Variants in DEF8 observed in about 807,000 individuals in gnomAD.
DEF8 encodes the protein differentially expressed in FDCP 8 homolog.
Under a neutral mutation model 59.1 loss-of-function variants are expected in DEF8, and 38 were observed. That is an observed-to-expected ratio of 0.64 (90% CI 0.50 to 0.84). The LOEUF (loss-of-function observed/expected upper bound fraction) is 0.84, where lower values mean the gene tolerates loss of function less well. Ranked by LOEUF, DEF8 falls within the 40% of genes least tolerant of loss-of-function variation. The probability of loss-of-function intolerance (pLI) is 0.00; values close to 1 mark genes in which losing one functional copy is unlikely to be tolerated. For missense variants in DEF8, 557 were observed against 615.2 expected (o/e 0.91, Z 1.00); for synonymous variants, 265 against 250.1 (o/e 1.06, Z -0.56).
intron 7 of DEF8, 62 bp from the exon 8 acceptor site, chr16:89,961,675 G>C (rs2034042822): frequency 6.3e-7 from 1 of 1,599,508 alleles, no homozygotes; most frequent in South Asian, 1.1e-5. Context: ...AGACCATGAG[G>C]CTGGAAAGCT....
intron 5 of DEF8, chr16:89,957,893 C>T: frequency 2.4e-6 from 1 of 423,826 alleles, no homozygotes; most frequent in Non-Finnish European, 4.2e-6. Context: ...GAAACTCAAC[C>T]CTGAGTAGCT....
intron 2 of DEF8, among the ~76,000 whole-genome samples, chr16:89,953,237 T>G (rs2032523181): frequency 6.6e-6 from 1 of 152,216 alleles, no homozygotes; most frequent in Non-Finnish European, 1.5e-5. Context: ...GCTCAGTCTC[T>G]GTTAACTCAT....
chr16:89,961,547 T>C (rs2034026353), intron 7 of DEF8, among the ~76,000 whole-genome samples, 190 bp from the exon 8 acceptor site: 1 of 152,208 alleles, frequency 6.6e-6, no homozygotes, highest in South Asian at 2.1e-4. Context: ...GCCCTGTTTA[T>C]ATCCCATTTT....
At chr16:89,958,559 C>A (rs888846560) in intron 5 of DEF8, 34 of 171,418 alleles carry the variant, frequency 2.0e-4, no homozygotes, top group Admixed American at 1.5e-3. Flanking sequence ...GAAAAAAAAA[C>A]CCCAAAACAT....
At chr16:89,965,047 A>C (rs2034488557) in intron 12 of DEF8, among the ~76,000 whole-genome samples, 1 of 152,218 alleles carries the variant, frequency 6.6e-6, no homozygotes, top group Non-Finnish European at 1.5e-5. Flanking sequence ...TTAAGTACTT[A>C]TGCTCTCGCG....
intron 1 of DEF8, 146 bp from the exon 2 acceptor site, chr16:89,949,271 C>G: frequency 1.5e-6 from 1 of 681,396 alleles, no homozygotes; most frequent in Non-Finnish European, 2.4e-6. Context: ...CGTGCCCCCG[C>G]CCTGGGCTGC....
chr16:89,949,691 G>A (rs1230771293), intron 2 of DEF8, 178 bp downstream of exon 2: 9 of 1,521,948 alleles, frequency 5.9e-6, no homozygotes, highest in East Asian at 2.3e-5. Context: ...TCCGTGCCCC[G>A]GAACCCCGCC....
At chr16:89,959,450 A>G in intron 6 of DEF8, 4 of 854,400 alleles carry the variant, frequency 4.7e-6, no homozygotes, top group South Asian at 2.3e-5. Context: ...TTAGGGCAGA[A>G]TGTAAAGGCA....
At position 89,963,560 on chromosome 16, in the gene DEF8, C is replaced by T. The variant is rs1422576653; in HGVS notation, c.1002+117C>T. On this transcript the variant is annotated intron_variant, in intron 10 of 12. Transcript: ENST00000563594. The stretch of plus-strand genomic sequence containing the variant: ...GTGGAGTGCCTTTAGCAGAGGGTCG[C>T]CTCACCACGGTCCCAAGGAACAAAG... 1.1e-5 allele frequency: 8 copies of T among 753,108 alleles called. No homozygotes were observed. In the East Asian group the frequency reaches 2.2e-4, roughly 20 times the overall value. The allele number at this position is 753,108 out of a possible 1,614,324, so 46.7% of individuals were successfully genotyped here.
chr16:89,963,806 A>G lies in DEF8; in HGVS notation c.1002+363A>G. 3 of 485,886 alleles carry G rather than the reference A, an allele frequency of 6.2e-6. No homozygotes were observed. The South Asian group carries it at 6.4e-5, about 10-fold the overall frequency. The allele number at this position is 485,886 out of a possible 1,614,324, so 30.1% of individuals were successfully genotyped here. On this transcript the variant is annotated intron_variant, in intron 10 of 12. Coordinates refer to ENST00000563594, the MANE Select transcript of DEF8 (RefSeq NM_001242818.2). ...GAAACAGACAGGAATGCTTGCCCTT[A>G]GTGCCTTTCAAGTAGGGAAGACAAG... is the stretch of plus-strand genomic sequence containing the variant.
intron 4 of DEF8, chr16:89,956,622 C>T (rs2033247407): frequency 6.6e-6 from 1 of 152,068 alleles, no homozygotes; most frequent in Non-Finnish European, 1.5e-5. Flanking sequence ...CCTCCCACCT[C>T]AGCTTCCTGA....
chr16:89,954,189 G>C lies in DEF8; in HGVS notation c.-10-54G>C. ...CCAGTGTGGTTGGGGAAAGGGGGTG[G>C]TCCGTGGTGAGCCTGGTACCTGGGG... On this transcript the variant is annotated intron_variant, in intron 2 of 12. Coordinates refer to ENST00000563594, the MANE Select transcript of DEF8 (RefSeq NM_001242818.2). The surrounding 1 kb of genome is among the most constrained non-coding windows in gnomAD (Gnocchi z 4.3). The C allele has an allele frequency of 6.3e-7, 1 of 1,587,686 alleles. No homozygotes were observed. The highest frequency in any genetic ancestry group is 2.3e-4 in the Middle Eastern group (1 of 4,328).
chr16:89,961,821 T>A lies in DEF8; in HGVS notation c.764T>A (p.Ile255Asn). The change falls in exon 8 of 13, where the codon ATC (isoleucine) becomes AAC (asparagine). Residue 255 changes from isoleucine (I) to asparagine (N), a missense_variant. Coordinates refer to ENST00000563594, the MANE Select transcript of DEF8 (RefSeq NM_001242818.2). ...SHCHWNDLAV[I>N]PARVVHNWDF... ...TGCCACTGGAACGACCTGGCTGTGATCCCTGCACGCGTTGTACACAACTGG... is the reference window on the plus strand; with the variant it reads ...TGCCACTGGAACGACCTGGCTGTGAACCCTGCACGCGTTGTACACAACTGG... 1.2e-6 allele frequency: 2 copies of A among 1,612,090 alleles called. No homozygotes were observed. Among genetic ancestry groups the A allele is most frequent in the Non-Finnish European group, 1.7e-6 (2 of 1,179,108 alleles).
intron 7 of DEF8, 96 bp from the exon 8 acceptor site, chr16:89,961,641 G>A (rs1009511108): frequency 2.7e-6 from 4 of 1,499,168 alleles, no homozygotes; most frequent in East Asian, 2.3e-5. Context: ...ATGTCTCCCC[G>A]AGGGCTGTGG....
chr16:89,964,552 C>A lies in DEF8; in HGVS notation c.1230C>A (p.Ala410=). The A allele has an allele frequency of 6.3e-7, 1 of 1,581,580 alleles. No individual in the cohort carries two copies. The change falls in exon 12 of 13, where the codon GCC becomes GCA. Residue 410 remains alanine (A), a synonymous_variant. Coordinates refer to ENST00000563594, the MANE Select transcript of DEF8 (RefSeq NM_001242818.2). ...TCGACAGCCACACGTCTGTGTGCGC[C>A]GACTGCTCCGCGGTCTTCCACAGGT... ...FPFDSHTSVC[A]DCSAVFHRDC... is the part of the protein sequence containing the mutation.
rs2034631956 is a variant in DEF8 at position 89,966,883 on chromosome 16, A to C, written c.*920A>C. On this transcript the variant is annotated 3_prime_UTR_variant, in exon 13 of 13. Transcript: ENST00000563594. ...TGTCCTGCTCCCTGTGGAGGGCTCC[A>C]GATAGCTCAGAAATGACCAGCCAAT... 2 of 161,320 alleles carry C rather than the reference A, an allele frequency of 1.2e-5. No individual in the cohort carries two copies. The highest frequency in any genetic ancestry group is 4.1e-4 in the South Asian group (2 of 4,920). The allele number at this position is 161,320 out of a possible 1,614,324, so 10.0% of individuals were successfully genotyped here.
intron 4 of DEF8, among the ~76,000 whole-genome samples, chr16:89,955,519 G>A (rs542053710): frequency 6.6e-6 from 1 of 152,300 alleles, no homozygotes; most frequent in East Asian, 1.9e-4. Flanking sequence ...GCCTGGGATT[G>A]GGGTTCATGA....
Position 89,957,799 on chromosome 16 carries a change from C to T in DEF8, c.372+139C>T, listed in dbSNP as rs775078371. On this transcript the variant is annotated intron_variant, in intron 5 of 12. Coordinates refer to ENST00000563594, the MANE Select transcript of DEF8 (RefSeq NM_001242818.2). ...CCTCAGGGGCTGAGGTAGAAGGGCA[C>T]GAGACAGGCAGGGTGGAAGACGGGC... 1.4e-4 allele frequency: 144 copies of T among 1,013,586 alleles called. No individual in the cohort carries two copies. The African/African-American group carries it at 1.9e-3, about 13-fold the overall frequency. 62.8% of individuals were successfully genotyped at this position (1,013,586 alleles called of 1,614,324 possible).
intron 4 of DEF8, among the ~76,000 whole-genome samples, chr16:89,956,184 G>A (rs552306894): frequency 2.1e-4 from 32 of 152,070 alleles, no homozygotes; most frequent in African/African-American, 6.8e-4. Context: ...TGGGCCAGAC[G>A]TGGTGGCTCA....
Sources: gnomAD v4.1 joint callset for allele counts (sites outside exome capture counted in the v4.1 genomes callset) on GRCh38, gnomAD v4.1.1 for gene constraint, Gnocchi (gnomAD v3.1) non-coding constraint, MANE v1.5 for transcripts, NCBI Gene and HGNC (gene_info 2026-07-23, HGNC 2026-07-21) for gene names.